The following NPC1 variants were observed in gnomAD, a reference collection of about 807,000 sequenced individuals.
The protein encoded by NPC1 is Niemann-Pick C1 protein.
In NPC1, 85 loss-of-function variants were observed where a neutral mutation model predicts 140.4. That is an observed-to-expected ratio of 0.61 (90% CI 0.51 to 0.72). The LOEUF (loss-of-function observed/expected upper bound fraction) is 0.72. Ranked by LOEUF, NPC1 falls within the 30% of genes least tolerant of loss-of-function variation. NPC1 has a pLI of 0.00. For missense variants in NPC1, 1,504 were observed against 1,623.8 expected (o/e 0.93, Z 1.27); for synonymous variants, 656 against 624.8 (o/e 1.05, Z -0.74).
intron 14 of NPC1, 108 bp downstream of exon 14, chr18:23,543,344 AAAG>A (rs2058738012): frequency 2.0e-5 from 14 of 702,914 alleles, no homozygotes; most frequent in Non-Finnish European, 2.5e-5. Context: ...AAAAAAAAAA[AAAG>A]AAAAAAAAAA....
At chr18:23,572,201 G>C in intron 2 of NPC1, 21 bp from the exon 3 acceptor site, 1 of 1,542,500 alleles carries the variant, frequency 6.5e-7, no homozygotes, top group Non-Finnish European at 9.0e-7. Context: ...AAAGAGCACA[G>C]ACACGGGAGT....
Position 23,580,122 on chromosome 18 carries a change from C to G in NPC1, c.57+6165G>C, listed in dbSNP as rs115659242. Reference sequence around the variant, plus strand: ...AAATAAATAAATGAAACAAAAATACCAAACATCGACTGCATGCCTCATTTT... The same window carrying G: ...AAATAAATAAATGAAACAAAAATACGAAACATCGACTGCATGCCTCATTTT... On this transcript the variant is annotated intron_variant, in intron 1 of 24. Transcript: ENST00000269228. 4.7e-3 allele frequency among the ~76,000 whole-genome samples: 709 copies of G among 152,180 alleles called. 5 individuals are homozygous for G. The highest frequency in any genetic ancestry group is 0.016 in the African/African-American group (677 of 41,528).
intron 12 of NPC1, 96 bp downstream of exon 12, chr18:23,544,864 A>T: frequency 1.1e-6 from 1 of 915,224 alleles, no homozygotes; most frequent in Non-Finnish European, 1.8e-6. Flanking sequence ...TGGCAGTTTT[A>T]AACATAATGG....
chr18:23,518,773 G>T, downstream of NPC1: 2 of 857,560 alleles, frequency 2.3e-6, no homozygotes. Flanking sequence ...AACACTTGTT[G>T]GCAGCAAAAT....
At chr18:23,578,925 C>T (rs28366492) in intron 1 of NPC1, among the ~76,000 whole-genome samples, 1,592 of 152,340 alleles carry the variant, frequency 0.01, 31 homozygotes, top group African/African-American at 0.037. Flanking sequence ...CACTCGGACC[C>T]GGCAGTGTCT....
In NPC1 at chr18:23,507,602, A is replaced by AGG. The variant is rs778813953; in HGVS notation, c.432-962_432-961dup. Reference sequence around the variant, plus strand: ...TTCACCATTGCCGTTTGTAGAGTAGAGGGAAGGCTGTTAGAAACAGGCAGA... The same window carrying AGG: ...TTCACCATTGCCGTTTGTAGAGTAGAGGGGGAAGGCTGTTAGAAACAGGCAGA... On this transcript the variant is annotated intron_variant, in intron 3 of 3. Transcript: ENST00000591107. Among the ~76,000 whole-genome samples, 210 of 152,292 alleles carry AGG rather than the reference A, an allele frequency of 1.4e-3. 2 individuals carry two copies. The highest frequency in any genetic ancestry group is 2.0e-3 in the Non-Finnish European group (135 of 68,030).
At chr18:23,509,316 T>G in intron 3 of NPC1, 1 of 1,051,512 alleles carries the variant, frequency 9.5e-7, no homozygotes, top group African/African-American at 1.6e-5. Context: ...TGGTTAAAGT[T>G]CAGTGATAGC....
intron 23 of NPC1, 118 bp downstream of exon 23, chr18:23,534,328 T>C (rs1368772524): frequency 2.5e-5 from 19 of 755,572 alleles, no homozygotes; most frequent in Non-Finnish European, 3.9e-5. Context: ...ATGAATTGCC[T>C]GAAAGCTTGC....
intron 6 of NPC1, among the ~76,000 whole-genome samples, chr18:23,559,002 T>C (rs2058996466): frequency 6.6e-6 from 1 of 152,210 alleles, no homozygotes; most frequent in Non-Finnish European, 1.5e-5. Flanking sequence ...GATATTTTGC[T>C]GAGAATGATG....
chr18:23,545,749 G>A (rs113639659), intron 11 of NPC1, among the ~76,000 whole-genome samples: 1 of 152,034 alleles, frequency 6.6e-6, no homozygotes, highest in African/African-American at 2.4e-5. Context: ...GTATCCCCAT[G>A]CCTGGCTAAT....
At chr18:23,523,099 A>C (rs1336930867) in intron 1 of NPC1, among the ~76,000 whole-genome samples, 2 of 152,256 alleles carry the variant, frequency 1.3e-5, no homozygotes, top group East Asian at 1.9e-4. Flanking sequence ...CACTCGGCGC[A>C]GACCTTGACA....
chr18:23,536,295 A>T (rs1388378568), intron 21 of NPC1, among the ~76,000 whole-genome samples: 1 of 152,244 alleles, frequency 6.6e-6, no homozygotes, highest in Non-Finnish European at 1.5e-5. Context: ...GTCTACATAC[A>T]GGCAGCATCC....
intron 17 of NPC1, 110 bp from the exon 18 acceptor site, chr18:23,540,111 C>G (rs571346731): frequency 1.1e-6 from 1 of 921,080 alleles, no homozygotes; most frequent in African/African-American, 1.6e-5. Context: ...GGCTGAGATG[C>G]CTCCAGCTGG....
At chr18:23,584,833 T>G (rs2059397102) in intron 1 of NPC1, among the ~76,000 whole-genome samples, 1 of 152,164 alleles carries the variant, frequency 6.6e-6, no homozygotes, top group Non-Finnish European at 1.5e-5. Flanking sequence ...CACTCCAGAC[T>G]GGGCAACAGA....
rs746501807 is a variant in NPC1, at chr18:23,556,429, G to C, written c.1140C>G (p.Leu380=). 24 of 1,614,174 alleles carry C rather than the reference G, an allele frequency of 1.5e-5. No individual in the cohort carries two copies. The South Asian group carries it at 2.6e-4, about 18-fold the overall frequency. The change falls in exon 8 of 25, where the codon CTC becomes CTG. Residue 380 remains leucine (L), a synonymous_variant. Coordinates refer to ENST00000269228, the MANE Select transcript of NPC1 (RefSeq NM_000271.5). ...FVRVTTNPVD[L]WSAPSSQARL... Reference sequence around the variant, plus strand: ...GAGCCTGGCTGCTGGGGGCTGACCAGAGGTCAACTGGATTGGTTGTGACCC... The same window carrying C: ...GAGCCTGGCTGCTGGGGGCTGACCACAGGTCAACTGGATTGGTTGTGACCC...
intron 4 of NPC1, among the ~76,000 whole-genome samples, chr18:23,564,781 T>C (rs978526720): frequency 2.0e-5 from 3 of 152,226 alleles, no homozygotes; most frequent in Admixed American, 2.0e-4. Context: ...TATGTTTTAT[T>C]GTTTTATAGT....
At chr18:23,525,582 A>G (rs1372704449), downstream of NPC1, among the ~76,000 whole-genome samples, 3 of 151,688 alleles carry the variant, frequency 2.0e-5, no homozygotes, top group Non-Finnish European at 2.9e-5. Context: ...GCGCCACCAC[A>G]CCCAGCTAAT....
At chr18:23,539,004 T>C (rs2145368586) in intron 19 of NPC1, 1 of 448,678 alleles carries the variant, frequency 2.2e-6, no homozygotes, top group Non-Finnish European at 4.1e-6. Flanking sequence ...TCGACGCTCC[T>C]ACAAAACCAC....
Position 23,539,859 on chromosome 18 carries a change from T to C in NPC1, c.2747A>G (p.Asn916Ser), listed in dbSNP as rs756815669. Residue 916 changes from asparagine (N) to serine (S), a missense_variant, in exon 18 of 25, where the codon AAT (asparagine) becomes AGT (serine). Coordinates refer to ENST00000269228, the MANE Select transcript of NPC1 (RefSeq NM_000271.5). Reference protein sequence around the residue: ...NMVCGGMGCNNDSLVQQIFNA... With the variant: ...NMVCGGMGCNSDSLVQQIFNA... ...AAATATCTGCTGCACCAGGGAATCA[T>C]TGTTGCAGCCCATGCCGCCGCACAC... The C allele has an allele frequency of 5.4e-5, 87 of 1,614,072 alleles. No homozygotes were observed. The Middle Eastern group carries it at 1.3e-3, about 24-fold the overall frequency.
Sources: gnomAD v4.1 joint callset for allele counts (sites outside exome capture counted in the v4.1 genomes callset) on GRCh38, gnomAD v4.1.1 for gene constraint, MANE v1.5 for transcripts, NCBI Gene and HGNC (gene_info 2026-07-23, HGNC 2026-07-21) for gene names.